The following PCDHGA4 variants were observed in gnomAD, a reference collection of about 807,000 sequenced individuals.
PCDHGA4 encodes the protein protocadherin gamma subfamily A, 4, also known as protocadherin gamma-A4.
In PCDHGA4, 38 loss-of-function variants were observed where a neutral mutation model predicts 54.6. That is an observed-to-expected ratio of 0.70 (90% CI 0.54 to 0.91). The LOEUF (loss-of-function observed/expected upper bound fraction) is 0.91, where lower values mean the gene tolerates loss of function less well. PCDHGA4 is among the 40% of genes least tolerant of loss of function. PCDHGA4 has a pLI of 0.00. For missense variants in PCDHGA4, 1,298 were observed against 1,220.9 expected, an observed-to-expected ratio of 1.06 and a Z score of -0.94; for synonymous variants, 511 against 512.9, an observed-to-expected ratio of 1.00 and a Z score of 0.05.
Position 141,492,023 on chromosome 5 carries a change from C to G in PCDHGA4, c.2515-2784C>G, listed in dbSNP as rs536734764. 1.8e-4 allele frequency: 102 copies of G among 564,804 alleles called. 3 individuals carry two copies. In the South Asian group the frequency reaches 2.8e-3, roughly 15 times the overall value. The allele number at this position is 564,804 out of a possible 1,614,324, so 35.0% of individuals were successfully genotyped here. A position where few individuals can be genotyped will look rare whatever the true frequency, so the allele number is the denominator to read the frequency against. On this transcript the variant is annotated intron_variant, in intron 1 of 3. Coordinates refer to ENST00000571252, the MANE Select transcript of PCDHGA4 (RefSeq NM_018917.4). Reference sequence around the variant, plus strand: ...CGATTTCCGCGGGTGTCGGGGGTCCCGGGAGGAGGCAGTCACAGATCCACC... The same window carrying G: ...CGATTTCCGCGGGTGTCGGGGGTCCGGGGAGGAGGCAGTCACAGATCCACC...
chr5:141,368,944 T>G (rs1765945640), intron 1 of PCDHGA4, among the ~76,000 whole-genome samples: 5 of 152,236 alleles, frequency 3.3e-5, no homozygotes, highest in Admixed American at 3.3e-4. Context: ...TTCTGGTTAC[T>G]GTGAGTAGTT....
intron 1 of PCDHGA4, among the ~76,000 whole-genome samples, chr5:141,387,209 T>C (rs911946032): frequency 1.3e-5 from 2 of 152,170 alleles, no homozygotes; most frequent in African/African-American, 4.8e-5. Flanking sequence ...ACTGATACTC[T>C]CCGGAAAAAG....
Position 141,356,481 on chromosome 5 carries a change from G to A in PCDHGA4, c.1374G>A (p.Gln458=). Residue 458 remains glutamine (Q), a synonymous_variant, in exon 1 of 4, where the codon CAG becomes CAA. Coordinates refer to ENST00000571252, the MANE Select transcript of PCDHGA4 (RefSeq NM_018917.4). ...ACATCACTGTAACTGCCACTGACCA[G>A]GGAACTCCTCCACTGTCTACAGAAA... The part of the protein sequence containing the change: ...EYNITVTATD[Q]GTPPLSTETH... The A allele has an allele frequency of 6.2e-7, 1 of 1,613,916 alleles. No individual in the cohort carries two copies. The highest frequency in any genetic ancestry group is 8.5e-7 in the Non-Finnish European group (1 of 1,179,876).
rs1481706003 is a variant in PCDHGA4, at chr5:141,491,416, G to A, written c.2515-3391G>A. On this transcript the variant is annotated intron_variant, in intron 1 of 3. Transcript: ENST00000571252. This position sits in a 1 kb window ranked among gnomAD's most constrained non-coding sequence, Gnocchi z 6.9. ...TCAGGGAAACGCAGACGGGGACGGG[G>A]GTGGAGGGCAGTGCTGCAGGCGCCA... 3 of 1,614,138 alleles carry A rather than the reference G, an allele frequency of 1.9e-6. No homozygotes were observed. The highest frequency in any genetic ancestry group is 2.2e-5 in the East Asian group (1 of 44,874).
intron 1 of PCDHGA4, chr5:141,371,291 G>A (rs755232454): frequency 2.5e-6 from 4 of 1,613,976 alleles, no homozygotes; most frequent in Non-Finnish European, 3.4e-6. Context: ...GTAAAACGGG[G>A]GAACTCACCA....
Position 141,490,177 on chromosome 5 carries a change from T to C in PCDHGA4, c.2515-4630T>C, listed in dbSNP as rs780298274. 12 of 1,613,622 alleles carry C rather than the reference T, an allele frequency of 7.4e-6. No individual in the cohort carries two copies. The highest frequency in any genetic ancestry group is 1.0e-5 in the Non-Finnish European group (12 of 1,179,932). On this transcript the variant is annotated intron_variant, in intron 1 of 3. Transcript: ENST00000571252. This position sits in a 1 kb window ranked among gnomAD's most constrained non-coding sequence, Gnocchi z 5.4. The stretch of plus-strand genomic sequence containing the variant: ...GTTGGGTCCCATAGACTTTGAGGAG[T>C]CACGTTTCTATGAAATTCATGCAAG...
chr5:141,476,061 C>T lies in PCDHGA4; in HGVS notation c.2515-18746C>T. On this transcript the variant is annotated intron_variant, in intron 1 of 3. Coordinates refer to ENST00000571252, the MANE Select transcript of PCDHGA4 (RefSeq NM_018917.4). The surrounding 1 kb of genome is among the most constrained non-coding windows in gnomAD (Gnocchi z 7.6). Reference sequence around the variant, plus strand: ...AAGCGCTAACCCGCTGAAAGTTTCTCAGCGAAATCTCAGGGACGATCTGGA... The same window carrying T: ...AAGCGCTAACCCGCTGAAAGTTTCTTAGCGAAATCTCAGGGACGATCTGGA... The T allele has an allele frequency of 6.6e-7, 1 of 1,508,880 alleles. No homozygotes were observed. Among genetic ancestry groups the T allele is most frequent in the Non-Finnish European group, 8.8e-7 (1 of 1,136,354 alleles). 93.5% of individuals were successfully genotyped at this position (1,508,880 alleles called of 1,614,324 possible).
At chr5:141,448,667 G>A (rs1262994760) in intron 1 of PCDHGA4, among the ~76,000 whole-genome samples, 6 of 151,990 alleles carry the variant, frequency 3.9e-5, no homozygotes, top group African/African-American at 9.7e-5. Flanking sequence ...TTGGCCGGGC[G>A]CGGTGGCTCA....
intron 1 of PCDHGA4, chr5:141,399,317 C>T (rs368407532): frequency 2.0e-5 from 33 of 1,613,814 alleles, no homozygotes; most frequent in Non-Finnish European, 2.8e-5. Flanking sequence ...TCCAAAAATT[C>T]GTATAAGTTG....
At chr5:141,421,080 C>G in intron 1 of PCDHGA4, 1 of 638,368 alleles carries the variant, frequency 1.6e-6, no homozygotes, top group South Asian at 2.1e-5. Flanking sequence ...GATGGATACT[C>G]ACAGATCCTG....
intron 1 of PCDHGA4, chr5:141,389,441 C>T: frequency 6.2e-7 from 1 of 1,610,584 alleles, no homozygotes; most frequent in South Asian, 1.1e-5. Context: ...GCGCCTTCGA[C>T]CACGAGCAGC....
At chr5:141,374,299 G>A (rs1588736812) in intron 1 of PCDHGA4, 1 of 1,613,982 alleles carries the variant, frequency 6.2e-7, no homozygotes, top group Non-Finnish European at 8.5e-7. Context: ...GAGGTAGGAT[G>A]CAGCTTTTCT....
chr5:141,409,567 G>A (rs974585499), intron 1 of PCDHGA4: 1 of 1,613,896 alleles, frequency 6.2e-7, no homozygotes, highest in African/African-American at 1.3e-5. Flanking sequence ...TCGACCAGAC[G>A]TCCTACGTGG....
At position 141,389,882 on chromosome 5, in the gene PCDHGA4, G is replaced by T. The variant is rs761230157; in HGVS notation, c.2514+32261G>T. On this transcript the variant is annotated intron_variant, in intron 1 of 3. Transcript: ENST00000571252. ...TGCACCTGGTCTTCGCCGACAGCTT[G>T]CAGGAGGTGCTGCCGGATATCACTG... 1.1e-5 allele frequency: 18 copies of T among 1,614,082 alleles called. No homozygotes were observed. The South Asian group carries it at 1.9e-4, about 17-fold the overall frequency.
chr5:141,403,482 A>C (rs764737675), intron 1 of PCDHGA4: 2 of 1,613,892 alleles, frequency 1.2e-6, no homozygotes, highest in Non-Finnish European at 1.7e-6. Flanking sequence ...CCCAATCACC[A>C]CTTCTCCCTG....
At chr5:141,383,843 A>T in intron 1 of PCDHGA4, 1 of 1,613,970 alleles carries the variant, frequency 6.2e-7, no homozygotes, top group Non-Finnish European at 8.5e-7. Context: ...ACTGCCTTCT[A>T]TGAAATGGAG....
At chr5:141,484,399 CCGCTGTGTCT>C (rs1488164183) in intron 1 of PCDHGA4, among the ~76,000 whole-genome samples, 4 of 152,186 alleles carry the variant, frequency 2.6e-5, no homozygotes, top group Non-Finnish European at 4.4e-5. Context: ...GGTTTGGTTT[CCGCTGTGTCT>C]CCTGTTACAA....
Position 141,485,399 on chromosome 5 carries a change from C to T in PCDHGA4, c.2515-9408C>T. On this transcript the variant is annotated intron_variant, in intron 1 of 3. Coordinates refer to ENST00000571252, the MANE Select transcript of PCDHGA4 (RefSeq NM_018917.4). This position sits in a 1 kb window ranked among gnomAD's most constrained non-coding sequence, Gnocchi z 5.7. ...TGGAGAGGTGAACCAAAGACACTTC[C>T]GTGTGGATTTGGACAGCGGAGCCCT... 3 of 1,614,000 alleles carry T rather than the reference C, an allele frequency of 1.9e-6. No homozygotes were observed. The highest frequency in any genetic ancestry group is 2.5e-6 in the Non-Finnish European group (3 of 1,179,922).
At chr5:141,510,286 A>G (rs1011677966) in intron 3 of PCDHGA4, among the ~76,000 whole-genome samples, 1 of 151,770 alleles carries the variant, frequency 6.6e-6, no homozygotes, top group African/African-American at 2.4e-5. Flanking sequence ...AAAAAAAAAA[A>G]AAAAATGCTG....
Sources: allele counts gnomAD v4.1 joint callset (sites outside exome capture counted in the v4.1 genomes callset), GRCh38; gene constraint gnomAD v4.1.1; non-coding constraint Gnocchi (gnomAD v3.1); transcripts MANE v1.5; gene names NCBI Gene and HGNC (gene_info 2026-07-23, HGNC 2026-07-21).